The following BBS9 variants were observed in gnomAD, a reference collection of about 807,000 sequenced individuals.
The protein encoded by BBS9 is Bardet-Biedl syndrome 9, also known as protein PTHB1.
In BBS9, 89 loss-of-function variants were observed where a neutral mutation model predicts 117.7. The observed-to-expected ratio is 0.76, with a 90% CI of 0.64 to 0.90. The LOEUF (loss-of-function observed/expected upper bound fraction) is 0.90. Among genes scored for constraint, BBS9 ranks in the 40% least tolerant of loss-of-function variants. The probability of loss-of-function intolerance (pLI) is 0.00; values close to 1 mark genes in which losing one functional copy is unlikely to be tolerated. For synonymous variants in BBS9, 379 were observed against 370.9 expected (o/e 1.02, Z -0.25); for missense variants, 982 against 1,042.2 (o/e 0.94, Z 0.80).
chr7:33,472,209 A>T (rs963584039), intron 19 of BBS9, among the ~76,000 whole-genome samples: 1 of 152,228 alleles, frequency 6.6e-6, no homozygotes. Flanking sequence ...GGCAATAGGC[A>T]TATCTAAAGC....
intron 9 of BBS9, among the ~76,000 whole-genome samples, chr7:33,315,561 G>A (rs147318485): frequency 9.4e-4 from 143 of 152,240 alleles, no homozygotes; most frequent in Middle Eastern, 3.4e-3. Context: ...CGAATACCTA[G>A]AGGAGACCAT....
At chr7:33,328,157 A>G (rs528948551) in intron 9 of BBS9, among the ~76,000 whole-genome samples, 1 of 152,282 alleles carries the variant, frequency 6.6e-6, no homozygotes, top group East Asian at 1.9e-4. Context: ...TATTTTGTCC[A>G]TTGTTTTTCA....
intron 21 of BBS9, among the ~76,000 whole-genome samples, chr7:33,590,459 G>GTTTTTTTGTTTTTTTTTTTTTTT (rs1554551689): frequency 9.9e-6 from 1 of 101,506 alleles, no homozygotes; most frequent in African/African-American, 4.0e-5. Flanking sequence ...TTGTTTTTTT[G>GTTTTTTTGTTTTTTTTTTTTTTT]TTTTTTTTTT....
chr7:33,202,030 A>G (rs1785965483), intron 5 of BBS9, among the ~76,000 whole-genome samples: 1 of 152,190 alleles, frequency 6.6e-6, no homozygotes, highest in African/African-American at 2.4e-5. Flanking sequence ...TCTGGGACCC[A>G]GTGAATGTTC....
intron 19 of BBS9, among the ~76,000 whole-genome samples, chr7:33,468,575 A>G (rs905581495): frequency 3.9e-5 from 6 of 152,136 alleles, no homozygotes; most frequent in Non-Finnish European, 7.4e-5. Flanking sequence ...ACAAACTATA[A>G]TCATCCTACT....
At chr7:33,323,473 T>G (rs943918570) in intron 9 of BBS9, among the ~76,000 whole-genome samples, 1 of 152,150 alleles carries the variant, frequency 6.6e-6, no homozygotes, top group Non-Finnish European at 1.5e-5. Context: ...TGAGTTTTTT[T>G]TAAATCATTA....
chr7:33,418,986 C>A (rs1409063286), intron 19 of BBS9, among the ~76,000 whole-genome samples: 2 of 152,116 alleles, frequency 1.3e-5, no homozygotes, highest in Non-Finnish European at 2.9e-5. Context: ...ATTTTCTGCT[C>A]CCTGTAGCAC....
At chr7:33,352,630 G>C (rs1424679816) in intron 14 of BBS9, among the ~76,000 whole-genome samples, 1 of 151,900 alleles carries the variant, frequency 6.6e-6, no homozygotes, top group Non-Finnish European at 1.5e-5. Context: ...ATAGACTTCT[G>C]AGAATGGAAA....
At chr7:33,592,517 C>T (rs188117821) in intron 21 of BBS9, among the ~76,000 whole-genome samples, 5 of 152,076 alleles carry the variant, frequency 3.3e-5, no homozygotes, top group South Asian at 2.1e-4. Flanking sequence ...ACAAATATAT[C>T]GCTAGATAGT....
chr7:33,370,743 A>G lies in BBS9; in HGVS notation c.1789+2881A>G, dbSNP rs1822702061. Among the ~76,000 whole-genome samples the G allele has an allele frequency of 2.0e-5, 3 of 152,176 alleles. No homozygotes were observed. In the South Asian group the frequency reaches 6.2e-4, roughly 31 times the overall value. On this transcript the variant is annotated intron_variant, in intron 17 of 22. Coordinates refer to ENST00000242067, the MANE Select transcript of BBS9 (RefSeq NM_198428.3). ...CAGATCCACATAGTGACTTATTACCATATACAACAAACACTGCTAGCTCTC... is the reference window on the plus strand; with the variant it reads ...CAGATCCACATAGTGACTTATTACCGTATACAACAAACACTGCTAGCTCTC...
chr7:33,236,513 T>C (rs759912550), intron 5 of BBS9, among the ~76,000 whole-genome samples: 7 of 151,632 alleles, frequency 4.6e-5, no homozygotes, highest in Non-Finnish European at 1.0e-4. Context: ...GCTTTTCCCC[T>C]TACAATATAC....
At chr7:33,463,994 T>C (rs539998956) in intron 19 of BBS9, among the ~76,000 whole-genome samples, 1 of 152,242 alleles carries the variant, frequency 6.6e-6, no homozygotes, top group East Asian at 1.9e-4. Flanking sequence ...TTAGATGTGC[T>C]AATTTTAAAA....
chr7:33,255,744 T>TTG (rs1303285875), intron 5 of BBS9, among the ~76,000 whole-genome samples: 1 of 152,230 alleles, frequency 6.6e-6, no homozygotes, highest in Non-Finnish European at 1.5e-5. Context: ...GAGATTCTTT[T>TTG]TGTCTGATTG....
chr7:33,309,990 C>T (rs188714746), intron 9 of BBS9, among the ~76,000 whole-genome samples: 39 of 152,226 alleles, frequency 2.6e-4, no homozygotes, highest in African/African-American at 7.0e-4. Context: ...CCAGTGGCAT[C>T]GGAGCCAAAA....
chr7:33,157,788 A>C (rs1794308425), intron 4 of BBS9: 1 of 152,184 alleles, frequency 6.6e-6, no homozygotes, highest in South Asian at 2.1e-4. Flanking sequence ...AACAACCCTT[A>C]ATAGTCAGAG....
chr7:33,434,293 AC>A (rs1237377641), intron 19 of BBS9, among the ~76,000 whole-genome samples: 1 of 150,702 alleles, frequency 6.6e-6, no homozygotes, highest in East Asian at 2.0e-4. Flanking sequence ...AAAAAAAAAA[AC>A]TCCGTTTTAG....
intron 1 of BBS9, among the ~76,000 whole-genome samples, chr7:33,145,612 G>A (rs1792212447): frequency 6.6e-6 from 1 of 152,154 alleles, no homozygotes; most frequent in African/African-American, 2.4e-5. Context: ...AGTCACTAAT[G>A]CATTTGATCT....
At chr7:33,470,961 A>G (rs533506618) in intron 19 of BBS9, among the ~76,000 whole-genome samples, 41 of 152,332 alleles carry the variant, frequency 2.7e-4, no homozygotes, top group Admixed American at 4.6e-4. Context: ...AGTAGATTCT[A>G]TAATGCCATC....
At chr7:33,455,002 C>T (rs1838430340) in intron 19 of BBS9, among the ~76,000 whole-genome samples, 1 of 152,162 alleles carries the variant, frequency 6.6e-6, no homozygotes, top group Non-Finnish European at 1.5e-5. Flanking sequence ...GACAATTCCC[C>T]TACAATTCAT....
Sources: allele counts gnomAD v4.1 joint callset (sites outside exome capture counted in the v4.1 genomes callset), GRCh38; gene constraint gnomAD v4.1.1; transcripts MANE v1.5; gene names NCBI Gene and HGNC (gene_info 2026-07-23, HGNC 2026-07-21).